The following SLC25A21 variants were observed in gnomAD, a reference collection of about 807,000 sequenced individuals.
SLC25A21 encodes the protein mitochondrial 2-oxodicarboxylate carrier.
SLC25A21 carries 47 observed loss-of-function variants against 43.8 expected under a neutral mutation model. The ratio of observed to expected loss-of-function variants is 1.07; its 90% CI spans 0.85 to 1.37. The LOEUF is 1.37. SLC25A21 is among the 40% of genes most tolerant of loss of function. SLC25A21 has a pLI of 0.00. For missense variants in SLC25A21, 352 were observed against 350.2 expected, an observed-to-expected ratio of 1.00 and a Z score of -0.04; for synonymous variants, 131 against 121.3, an observed-to-expected ratio of 1.08 and a Z score of -0.52.
At chr14:37,058,411 A>G (rs72669511) in intron 1 of SLC25A21, among the ~76,000 whole-genome samples, 2,568 of 152,290 alleles carry the variant, frequency 0.017, 29 homozygotes, top group Non-Finnish European at 0.024. Flanking sequence ...TTTGTTTTAT[A>G]TCACTTCCAA....
intron 3 of SLC25A21, among the ~76,000 whole-genome samples, chr14:36,809,832 T>C (rs7151412): frequency 0.044 from 6,634 of 152,266 alleles, 506 homozygotes; most frequent in African/African-American, 0.15. Context: ...TAGTGCTATC[T>C]TCCCTGCAGG....
At chr14:37,038,448 C>T (rs527586620) in intron 1 of SLC25A21, among the ~76,000 whole-genome samples, 2 of 152,214 alleles carry the variant, frequency 1.3e-5, no homozygotes, top group South Asian at 4.1e-4. Context: ...TCTAACTCCT[C>T]CAAATAAAAA....
At chr14:37,064,588 C>G (rs979517426) in intron 1 of SLC25A21, among the ~76,000 whole-genome samples, 3 of 152,124 alleles carry the variant, frequency 2.0e-5, no homozygotes, top group Admixed American at 6.5e-5. Context: ...TCACAACAGT[C>G]CAAATCTGCT....
At chr14:37,091,524 C>T (rs1232178620) in intron 1 of SLC25A21, among the ~76,000 whole-genome samples, 3 of 151,624 alleles carry the variant, frequency 2.0e-5, no homozygotes, top group Non-Finnish European at 2.9e-5. Flanking sequence ...AGCCCCAACA[C>T]ATAGCACTAA....
chr14:36,890,749 T>C (rs1010383589), intron 1 of SLC25A21, among the ~76,000 whole-genome samples: 4 of 152,220 alleles, frequency 2.6e-5, no homozygotes, highest in Admixed American at 6.5e-5. Flanking sequence ...ACATTCACCA[T>C]TCCCTGAACT....
At chr14:36,764,122 A>AGG in intron 3 of SLC25A21, among the ~76,000 whole-genome samples, 1 of 56,772 alleles carries the variant, frequency 1.8e-5, no homozygotes, top group African/African-American at 8.9e-5. Context: ...GAAAGAAGGA[A>AGG]AGAAGGAAAG....
chr14:37,005,634 C>G (rs939115714), intron 1 of SLC25A21, among the ~76,000 whole-genome samples: 9 of 152,192 alleles, frequency 5.9e-5, no homozygotes, highest in African/African-American at 2.2e-4. Flanking sequence ...GTACATCTTG[C>G]AATTTACATT....
At chr14:36,720,329 C>T (rs1016572703) in intron 6 of SLC25A21, among the ~76,000 whole-genome samples, 2 of 152,224 alleles carry the variant, frequency 1.3e-5, no homozygotes, top group Non-Finnish European at 2.9e-5. Flanking sequence ...AAAGACCCCA[C>T]GGACTCACCA....
intron 1 of SLC25A21, among the ~76,000 whole-genome samples, chr14:37,037,622 A>T (rs1961356213): frequency 6.6e-6 from 1 of 151,040 alleles, no homozygotes; most frequent in South Asian, 2.1e-4. Context: ...GGTGAATTTG[A>T]TTTCTCCCCT....
At chr14:36,958,032 A>G (rs997054486) in intron 1 of SLC25A21, among the ~76,000 whole-genome samples, 1 of 152,118 alleles carries the variant, frequency 6.6e-6, no homozygotes, top group African/African-American at 2.4e-5. Context: ...GCAGAAAATA[A>G]AGGAAGAATA....
chr14:37,141,093 T>G (rs2038816372), intron 1 of SLC25A21, among the ~76,000 whole-genome samples: 1 of 151,916 alleles, frequency 6.6e-6, no homozygotes, highest in African/African-American at 2.4e-5. Context: ...TGCAGTGAGC[T>G]AAGATCACGC....
intron 7 of SLC25A21, among the ~76,000 whole-genome samples, chr14:36,709,962 G>A (rs1445523052): frequency 1.3e-5 from 2 of 152,150 alleles, no homozygotes; most frequent in East Asian, 3.8e-4. Flanking sequence ...TTGATGGTAG[G>A]GAAAAATTCT....
chr14:36,841,680 G>A (rs1435167782), intron 2 of SLC25A21, among the ~76,000 whole-genome samples: 3 of 152,050 alleles, frequency 2.0e-5, no homozygotes, highest in East Asian at 1.9e-4. Context: ...TGCCACTTCC[G>A]CCTATGCATA....
At chr14:37,133,166 C>CACGT (rs1429040760) in intron 1 of SLC25A21, among the ~76,000 whole-genome samples, 2 of 151,878 alleles carry the variant, frequency 1.3e-5, no homozygotes, top group Non-Finnish European at 2.9e-5. Context: ...CACACACACA[C>CACGT]ACACACTCAT....
At chr14:37,137,361 T>C (rs1186089011) in intron 1 of SLC25A21, among the ~76,000 whole-genome samples, 3 of 152,234 alleles carry the variant, frequency 2.0e-5, no homozygotes, top group African/African-American at 7.2e-5. Context: ...TATGTTTAAA[T>C]ATTATTATTT....
At chr14:36,932,316 T>G (rs1892316068) in intron 1 of SLC25A21, among the ~76,000 whole-genome samples, 1 of 152,162 alleles carries the variant, frequency 6.6e-6, no homozygotes, top group South Asian at 2.1e-4. Context: ...AGCACTCAGT[T>G]GGAGTCCACG....
chr14:36,776,500 A>C (rs1188440045), intron 3 of SLC25A21, among the ~76,000 whole-genome samples: 1 of 151,812 alleles, frequency 6.6e-6, no homozygotes, highest in African/African-American at 2.4e-5. Context: ...GGCTAGGATT[A>C]CAAAGTGCTA....
rs1013426368 is a variant in SLC25A21 at position 36,771,151 on chromosome 14, C to T, written c.204-36578G>A. On this transcript the variant is annotated intron_variant, in intron 3 of 9. Coordinates refer to ENST00000331299, the MANE Select transcript of SLC25A21 (RefSeq NM_030631.4). Reference sequence around the variant, plus strand: ...TTTGTTATCTGACAGCCCATCTGGTCTTTGGCCTGGCTGAAATATTTAAAT... The same window carrying T: ...TTTGTTATCTGACAGCCCATCTGGTTTTTGGCCTGGCTGAAATATTTAAAT... 1.5e-4 allele frequency among the ~76,000 whole-genome samples: 23 copies of T among 152,150 alleles called. 1 individual carries two copies. Among genetic ancestry groups the T allele is most frequent in the Admixed American group, 5.9e-4 (9 of 15,284 alleles).
chr14:36,827,350 C>T (rs1412144946), intron 2 of SLC25A21, among the ~76,000 whole-genome samples: 2 of 152,104 alleles, frequency 1.3e-5, no homozygotes, highest in African/African-American at 2.4e-5. Context: ...AAGAAAAAAC[C>T]ACCACAAAGT....
Sources: allele counts gnomAD v4.1 joint callset (sites outside exome capture counted in the v4.1 genomes callset), GRCh38; gene constraint gnomAD v4.1.1; transcripts MANE v1.5; gene names NCBI Gene and HGNC (gene_info 2026-07-23, HGNC 2026-07-21).